Variants in MTOR observed in about 807,000 individuals in gnomAD.
MTOR encodes serine/threonine-protein kinase mTOR.
A neutral mutation model predicts 319.8 loss-of-function variants in MTOR; 70 were observed. The observed-to-expected ratio is 0.22, with a 90% confidence interval of 0.18 to 0.27. The LOEUF is 0.27. Ranked by LOEUF, MTOR falls within the 10% of genes least tolerant of loss-of-function variation. MTOR has a pLI of 1.00. For missense variants in MTOR, 1,890 were observed against 3,274.4 expected (o/e 0.58, Z 10.32); for synonymous variants, 1,183 against 1,211.4 (o/e 0.98, Z 0.49).
At position 11,129,698 on chromosome 1, in the gene MTOR, AC is replaced by A; in HGVS notation, c.5714+39del. On this transcript the variant is annotated intron_variant, in intron 40 of 57. Transcript: ENST00000361445. The surrounding 1 kb of genome is among the most constrained non-coding windows in gnomAD (Gnocchi z 4.7). ...GTGTGACTTCTAGGTCTTGCCATTA[AC>A]ATGGCCTACCAGAGTTGCATCCTTC... 1 of 1,567,108 alleles carries A rather than the reference AC, an allele frequency of 6.4e-7. No individual in the cohort carries two copies. Among genetic ancestry groups the A allele is most frequent in the Non-Finnish European group, 8.8e-7 (1 of 1,139,058 alleles).
In MTOR at chr1:11,129,641, A is replaced by G. The variant is rs1263317113; in HGVS notation, c.5714+97T>C. 2.2e-5 allele frequency: 24 copies of G among 1,086,956 alleles called. No homozygotes were observed. Among genetic ancestry groups the G allele is most frequent in the Non-Finnish European group, 3.2e-5 (23 of 728,274 alleles). The allele number at this position is 1,086,956 out of a possible 1,614,324, so 67.3% of individuals were successfully genotyped here. On this transcript the variant is annotated intron_variant, in intron 40 of 57. Coordinates refer to ENST00000361445, the MANE Select transcript of MTOR (RefSeq NM_004958.4). This position sits in a 1 kb window ranked among gnomAD's most constrained non-coding sequence, Gnocchi z 4.7. ...ACATACATCGATCTTGGGTGTCCTG[A>G]TCAGGGTCAGGAAGGGAAAGAGGAC...
At chr1:11,256,857 C>G in intron 4 of MTOR, 76 bp downstream of exon 4, 1 of 1,416,652 alleles carries the variant, frequency 7.1e-7, no homozygotes, top group South Asian at 1.2e-5. Context: ...GAATGAGCCT[C>G]AGAAGGAAGC....
chr1:11,204,680 G>A lies in MTOR; in HGVS notation c.3825C>T (p.Val1275=). The change falls in exon 26 of 58, where the codon GTC becomes GTT. Residue 1275 remains valine (V), a synonymous_variant. Coordinates refer to ENST00000361445, the MANE Select transcript of MTOR (RefSeq NM_004958.4). The part of the protein sequence containing the change: ...LQKAWGAARR[V]SKDDWLEWLR... ...GCCATTCCAGCCAGTCATCTTTGGA[G>A]ACCCTCCTGGCAGCGCCCCAGGCCT... is the stretch of plus-strand genomic sequence containing the variant. 1.2e-6 allele frequency: 2 copies of A among 1,614,102 alleles called. No individual in the cohort carries two copies. The highest frequency in any genetic ancestry group is 1.7e-6 in the Non-Finnish European group (2 of 1,180,010).
chr1:11,259,558 G>T, intron 1 of MTOR, 135 bp from the exon 2 acceptor site: 2 of 928,764 alleles, frequency 2.2e-6, no homozygotes, highest in Non-Finnish European at 3.1e-6. Context: ...TGAGAGATCT[G>T]ATTGAGGAAC....
intron 47 of MTOR, among the ~76,000 whole-genome samples, chr1:11,124,289 C>G (rs1448942908): frequency 6.6e-6 from 1 of 152,090 alleles, no homozygotes; most frequent in African/African-American, 2.4e-5. Flanking sequence ...GTGGCACAAT[C>G]ACAGCTCACT....
chr1:11,232,865 G>A (rs1647067562), intron 15 of MTOR: 1 of 526,280 alleles, frequency 1.9e-6, no homozygotes, highest in East Asian at 3.2e-5. Context: ...AAGTGAAACT[G>A]TCTCAAAAAC....
rs373016968 is a variant in MTOR at position 11,146,751 on chromosome 1, A to G, written c.4611T>C (p.Pro1537=). ...AAAATGCCCCATCATGGGTGTCCCGAGGGATCATACAGGTGTATTCTTCCA... is the reference window on the plus strand; with the variant it reads ...AAAATGCCCCATCATGGGTGTCCCGGGGGATCATACAGGTGTATTCTTCCA... ...DSMEEYTCMI[P]RDTHDGAFYR... is the part of the protein sequence containing the mutation. Residue 1537 remains proline (P), a synonymous_variant, in exon 32 of 58, where the codon CCT becomes CCC. Coordinates refer to ENST00000361445, the MANE Select transcript of MTOR (RefSeq NM_004958.4). The G allele has an allele frequency of 6.2e-7, 1 of 1,614,036 alleles. No homozygotes were observed. The highest frequency in any genetic ancestry group is 1.3e-5 in the African/African-American group (1 of 74,922).
intron 13 of MTOR, among the ~76,000 whole-genome samples, chr1:11,237,205 T>C (rs1569735044): frequency 6.6e-6 from 1 of 151,908 alleles, no homozygotes; most frequent in Non-Finnish European, 1.5e-5. Context: ...GCAGGACTGG[T>C]GTATTGGCAG....
chr1:11,137,949 T>G (rs188429452), intron 36 of MTOR, among the ~76,000 whole-genome samples: 2 of 152,300 alleles, frequency 1.3e-5, no homozygotes, highest in East Asian at 3.9e-4. Context: ...TTTCCTTGGG[T>G]AGCTCCTTAA....
intron 20 of MTOR, 109 bp from the exon 21 acceptor site, chr1:11,213,675 C>T (rs549062143): frequency 5.8e-5 from 61 of 1,055,830 alleles, no homozygotes; most frequent in Admixed American, 1.1e-4. Context: ...GCATGGTCTG[C>T]GCCGAGATCA....
chr1:11,203,585 A>G (rs191533530), intron 26 of MTOR, among the ~76,000 whole-genome samples: 1 of 152,242 alleles, frequency 6.6e-6, no homozygotes, highest in Non-Finnish European at 1.5e-5. Flanking sequence ...GAGGCAGGAG[A>G]ATCTCTTGAA....
intron 25 of MTOR, among the ~76,000 whole-genome samples, chr1:11,205,354 T>C (rs2100767698): frequency 6.6e-6 from 1 of 152,348 alleles, no homozygotes; most frequent in East Asian, 1.9e-4. Flanking sequence ...CTTGACTCAA[T>C]GGCTTCAGTT....
intron 9 of MTOR, 88 bp from the exon 10 acceptor site, chr1:11,241,769 G>A (rs1648067084): frequency 4.6e-6 from 7 of 1,509,340 alleles, no homozygotes; most frequent in Non-Finnish European, 5.4e-6. Flanking sequence ...AGGAGAGCAG[G>A]TTACTCAGGC....
chr1:11,121,907 A>G lies in MTOR; in HGVS notation c.6810+72T>C, dbSNP rs1642546692. ...TTTCAGTGACAGACATACAGAGAGG[A>G]ATGAGAAAAGCAGCGCTACGGAGAT... On this transcript the variant is annotated intron_variant, in intron 48 of 57. Transcript: ENST00000361445. The surrounding 1 kb of genome is among the most constrained non-coding windows in gnomAD (Gnocchi z 4.9). 6.4e-7 allele frequency: 1 copy of G among 1,568,352 alleles called. No homozygotes were observed. The highest frequency in any genetic ancestry group is 1.4e-5 in the African/African-American group (1 of 74,048).
In MTOR at chr1:11,238,476, A is replaced by G. The variant is rs766160684; in HGVS notation, c.1928T>C (p.Val643Ala). Residue 643 changes from valine to alanine, a missense_variant, in exon 12 of 58, where the codon GTG becomes GCG. Physicochemically the swap from Val to Ala is moderately conservative, Grantham distance 64. This residue lies in a region of MTOR where 418 missense variants were observed against 543.1 expected (regional missense o/e 0.77). Transcript: ENST00000361445. ...CACTTGCACTGCGGTCTGGCTAACCACATGAGCATGGCCACTGATGAGGTG... is the reference window on the plus strand; with the variant it reads ...CACTTGCACTGCGGTCTGGCTAACCGCATGAGCATGGCCACTGATGAGGTG... ...SIHLISGHAHVVSQTAVQVVA... is the reference protein window; with the variant it reads ...SIHLISGHAHAVSQTAVQVVA... The G allele has an allele frequency of 6.2e-7, 1 of 1,614,242 alleles. No homozygotes were observed. Among genetic ancestry groups the G allele is most frequent in the South Asian group, 1.1e-5 (1 of 91,086 alleles).
chr1:11,209,232 C>T, intron 25 of MTOR, 80 bp downstream of exon 25: 2 of 1,549,768 alleles, frequency 1.3e-6, no homozygotes, highest in Non-Finnish European at 1.8e-6. Flanking sequence ...TTCGGTTGCC[C>T]AGTTTAAACA....
Position 11,128,184 on chromosome 1 carries a change from T to A in MTOR, c.5911-58A>T, listed in dbSNP as rs2100415562. 6.2e-7 allele frequency: 1 copy of A among 1,601,554 alleles called. No homozygotes were observed. The highest frequency in any genetic ancestry group is 1.7e-5 in the Admixed American group (1 of 58,686). On this transcript the variant is annotated intron_variant, in intron 42 of 57. Coordinates refer to ENST00000361445, the MANE Select transcript of MTOR (RefSeq NM_004958.4). This position sits in a 1 kb window ranked among gnomAD's most constrained non-coding sequence, Gnocchi z 5.3. ...GAAATGTGGGTTGGGGAAGAGCTGG[T>A]ATGAATTTTAAGGAGAATAACAAAA... is the stretch of plus-strand genomic sequence containing the variant.
chr1:11,152,047 G>A (rs1013074994), intron 30 of MTOR, among the ~76,000 whole-genome samples: 4 of 152,196 alleles, frequency 2.6e-5, no homozygotes, highest in South Asian at 2.1e-4. Context: ...AACTTCGCAC[G>A]GCCTTCACCA....
At chr1:11,221,677 C>A (rs1171686503) in intron 19 of MTOR, among the ~76,000 whole-genome samples, 1 of 147,458 alleles carries the variant, frequency 6.8e-6, no homozygotes, top group Non-Finnish European at 1.5e-5. Context: ...AAGATTGGTG[C>A]CTGCAATGAA....
Sources: allele counts gnomAD v4.1 joint callset (sites outside exome capture counted in the v4.1 genomes callset), GRCh38; gene constraint gnomAD v4.1.1; regional missense constraint gnomAD v4.1.1; non-coding constraint Gnocchi (gnomAD v3.1); transcripts MANE v1.5; gene names NCBI Gene and HGNC (gene_info 2026-07-23, HGNC 2026-07-21).